OR7E24: variants seen among roughly 807,000 people sequenced by gnomAD.
OR7E24 encodes olfactory receptor family 7 subfamily E member 24.
For missense variants in OR7E24, 385 were observed against 410.3 expected (o/e 0.94, Z 0.53); for synonymous variants, 130 against 157.5 (o/e 0.83, Z 1.31).
the OR7E24 span, chr19:9,214,802 A>G: frequency 6.2e-7 from 1 of 1,610,510 alleles, no homozygotes; most frequent in Non-Finnish European, 8.5e-7. Context: ...CCAGGAGGAG[A>G]AATTTTGATA....
chr19:9,235,543 G>A, the OR7E24 span: 1 of 1,551,518 alleles, frequency 6.4e-7, no homozygotes. Flanking sequence ...GCAGTACATG[G>A]TCATCATAAA....
At chr19:9,211,957 C>G in the OR7E24 span, 1 of 152,144 alleles carries the variant, frequency 6.6e-6, no homozygotes, top group Non-Finnish European at 1.5e-5. Flanking sequence ...ACTCAGAGGA[C>G]AGAAGAGGTT....
chr19:9,224,072 G>A, the OR7E24 span, among the ~76,000 whole-genome samples: 7 of 152,000 alleles, frequency 4.6e-5, no homozygotes, highest in East Asian at 3.9e-4. Context: ...GGATGGTCTC[G>A]ATCTCCTGAC....
the OR7E24 span, among the ~76,000 whole-genome samples, chr19:9,238,518 T>C: frequency 6.6e-6 from 1 of 152,214 alleles, no homozygotes; most frequent in East Asian, 1.9e-4. Flanking sequence ...TTATCAGATA[T>C]ATGCTTGCCA....
chr19:9,231,966 C>A, the OR7E24 span, among the ~76,000 whole-genome samples: 2 of 152,096 alleles, frequency 1.3e-5, no homozygotes, highest in Non-Finnish European at 2.9e-5. Flanking sequence ...TGAACACCTA[C>A]TAATGATACA....
At chr19:9,231,814 A>G in the OR7E24 span, among the ~76,000 whole-genome samples, 1 of 152,192 alleles carries the variant, frequency 6.6e-6, no homozygotes, top group Admixed American at 6.5e-5. Context: ...TTCTTTTAAA[A>G]TAAACAGAAA....
the OR7E24 span, chr19:9,212,018 T>C: frequency 1.3e-5 from 2 of 152,192 alleles, no homozygotes; most frequent in African/African-American, 4.8e-5. Context: ...ACTTTTCTCC[T>C]CTTCTACTTT....
chr19:9,217,999 T>A, the OR7E24 span, among the ~76,000 whole-genome samples: 1 of 152,226 alleles, frequency 6.6e-6, no homozygotes, highest in African/African-American at 2.4e-5. Context: ...GATATGTATT[T>A]GATGACTAGA....
the OR7E24 span, among the ~76,000 whole-genome samples, chr19:9,239,241 C>T: frequency 6.6e-6 from 1 of 151,846 alleles, no homozygotes; most frequent in African/African-American, 2.4e-5. Context: ...GCAATCTTGG[C>T]TCACTGCAAG....
the OR7E24 span, chr19:9,214,668 G>T: frequency 1.9e-6 from 3 of 1,614,174 alleles, no homozygotes; most frequent in South Asian, 1.1e-5. Context: ...GTACATGGGG[G>T]TGTGGAGGTG....
At chr19:9,220,365 A>G in the OR7E24 span, among the ~76,000 whole-genome samples, 1 of 151,794 alleles carries the variant, frequency 6.6e-6, no homozygotes, top group Non-Finnish European at 1.5e-5. Flanking sequence ...ACCCCAAACC[A>G]CTCTGGGTCT....
At chr19:9,237,718 T>C in the OR7E24 span, among the ~76,000 whole-genome samples, 2 of 152,342 alleles carry the variant, frequency 1.3e-5, no homozygotes, top group Non-Finnish European at 2.9e-5. Context: ...ACTCATCCAT[T>C]GATGGACAAG....
At chr19:9,213,873 C>T in the OR7E24 span, 1 of 1,543,402 alleles carries the variant, frequency 6.5e-7, no homozygotes, top group African/African-American at 1.4e-5. Flanking sequence ...CGCAGTGTGT[C>T]CTCTTAGTTC....
the OR7E24 span, chr19:9,236,171 T>C: frequency 2.0e-5 from 14 of 707,142 alleles, no homozygotes; most frequent in African/African-American, 2.5e-4. Context: ...TCCCCTAAAA[T>C]ATATGTTGCA....
At chr19:9,249,893 T>C (rs2066140412), upstream of OR7E24, among the ~76,000 whole-genome samples, 2 of 151,966 alleles carry the variant, frequency 1.3e-5, no homozygotes. Flanking sequence ...AGGCGGAGGC[T>C]GCAGTGAGCT....
the OR7E24 span, among the ~76,000 whole-genome samples, chr19:9,216,266 C>T: frequency 6.6e-6 from 1 of 152,164 alleles, no homozygotes; most frequent in Non-Finnish European, 1.5e-5. Flanking sequence ...TTATCATTTT[C>T]TGGGTCTCCC....
At chr19:9,229,146 G>A in the OR7E24 span, among the ~76,000 whole-genome samples, 1 of 152,124 alleles carries the variant, frequency 6.6e-6, no homozygotes, top group African/African-American at 2.4e-5. Context: ...ATAACCTTGT[G>A]GACACCAAGG....
At chr19:9,250,665 G>A (rs1023889510), upstream of OR7E24, among the ~76,000 whole-genome samples, 5 of 152,284 alleles carry the variant, frequency 3.3e-5, no homozygotes, top group South Asian at 8.3e-4. Context: ...GGAATTTGTA[G>A]AATTGTATTA....
At chr19:9,236,478 C>G in the OR7E24 span, among the ~76,000 whole-genome samples, 3 of 151,790 alleles carry the variant, frequency 2.0e-5, no homozygotes, top group African/African-American at 7.3e-5. Flanking sequence ...CCACTGCACT[C>G]CAGTCTGGGT....
Sources: gnomAD v4.1 joint callset for allele counts (sites outside exome capture counted in the v4.1 genomes callset) on GRCh38, gnomAD v4.1.1 for gene constraint, MANE v1.5 for transcripts, NCBI Gene and HGNC (gene_info 2026-07-23, HGNC 2026-07-21) for gene names.